Variants in LAP3 observed in about 807,000 individuals in gnomAD.
The protein encoded by LAP3 is cytosol aminopeptidase.
In LAP3, 46 loss-of-function variants were observed where a neutral mutation model predicts 58.8. That is an observed-to-expected ratio of 0.78 (90% confidence interval 0.62 to 1.00). The LOEUF (loss-of-function observed/expected upper bound fraction) is 1.00. LAP3 is among the 50% of genes least tolerant of loss of function. LAP3 has a pLI of 0.00. For missense variants in LAP3, 615 were observed against 659.1 expected (o/e 0.93, Z 0.73); for synonymous variants, 257 against 237.7 (o/e 1.08, Z -0.75).
intron 11 of LAP3, 68 bp downstream of exon 11, chr4:17,604,735 A>G: frequency 2.5e-6 from 3 of 1,218,268 alleles, no homozygotes; most frequent in Non-Finnish European, 3.6e-6. Context: ...TTAGAAGGAT[A>G]GACTTCTTCA....
chr4:17,588,236 T>C (rs994552542), intron 6 of LAP3, among the ~76,000 whole-genome samples: 1 of 152,040 alleles, frequency 6.6e-6, no homozygotes, highest in African/African-American at 2.4e-5. Flanking sequence ...AGTCTCAACT[T>C]GTTGCCTAGG....
chr4:17,583,876 T>C lies in LAP3; in HGVS notation c.539+234T>C, dbSNP rs149184554. On this transcript the variant is annotated intron_variant, in intron 5 of 12. Transcript: ENST00000226299. ...CTCCCTGACCCCTCCCTGCTCTGAT[T>C]ACAAGGAAGCCATAACCAGGTAGCT... is the stretch of plus-strand genomic sequence containing the variant. Among the ~76,000 whole-genome samples the C allele has an allele frequency of 4.6e-3, 695 of 152,322 alleles. 4 individuals carry two copies. The highest frequency in any genetic ancestry group is 0.016 in the African/African-American group (674 of 41,570).
At chr4:17,585,234 G>A in intron 6 of LAP3, 98 bp downstream of exon 6, 4 of 1,017,092 alleles carry the variant, frequency 3.9e-6, no homozygotes, top group Non-Finnish European at 5.9e-6. Flanking sequence ...GGAATAACTT[G>A]AGACCAGAGA....
chr4:17,584,132 C>T (rs1713439899), intron 5 of LAP3, among the ~76,000 whole-genome samples: 1 of 152,238 alleles, frequency 6.6e-6, no homozygotes, highest in Non-Finnish European at 1.5e-5. Flanking sequence ...AGTGGGGGCC[C>T]TGGCACTGGC....
intron 2 of LAP3, among the ~76,000 whole-genome samples, chr4:17,580,334 A>G (rs533940356): frequency 6.6e-4 from 99 of 149,024 alleles, no homozygotes; most frequent in African/African-American, 1.9e-3. Flanking sequence ...ATATTTTTCT[A>G]TGCCTTTTTG....
chr4:17,582,242 T>C (rs757971246), intron 3 of LAP3, 46 bp from the exon 4 acceptor site: 2 of 1,470,330 alleles, frequency 1.4e-6, no homozygotes, highest in East Asian at 4.5e-5. Flanking sequence ...TGGAAATGAA[T>C]GCTTGAAAGA....
At position 17,595,335 on chromosome 4, in the gene LAP3, T is replaced by C. The variant is rs1209001455; in HGVS notation, c.864-75T>C. 1.8e-5 allele frequency: 28 copies of C among 1,556,836 alleles called. No individual in the cohort carries two copies. In the Admixed American group the frequency reaches 4.3e-4, roughly 24 times the overall value. On this transcript the variant is annotated intron_variant, in intron 7 of 12. Coordinates refer to ENST00000226299, the MANE Select transcript of LAP3 (RefSeq NM_015907.3). ...TTACAGGCGTGAGCCACCGTGCCCATCTGTACTTTTTAAATAAAGTGATTT... is the reference window on the plus strand; with the variant it reads ...TTACAGGCGTGAGCCACCGTGCCCACCTGTACTTTTTAAATAAAGTGATTT...
intron 4 of LAP3, 57 bp downstream of exon 4, chr4:17,582,450 C>G: frequency 7.5e-7 from 1 of 1,334,324 alleles, no homozygotes; most frequent in South Asian, 1.3e-5. Context: ...TTGATGACCT[C>G]TCTTTCCCCT....
intron 12 of LAP3, 116 bp downstream of exon 12, chr4:17,607,054 A>C (rs889410450): frequency 9.6e-6 from 6 of 623,756 alleles, no homozygotes; most frequent in Non-Finnish European, 1.1e-5. Flanking sequence ...CTTTTGGTGT[A>C]GTGCTTGTAA....
At chr4:17,605,052 C>T (rs904318844) in intron 11 of LAP3, among the ~76,000 whole-genome samples, 1 of 151,914 alleles carries the variant, frequency 6.6e-6, no homozygotes, top group Non-Finnish European at 1.5e-5. Context: ...GTCTTCAGAC[C>T]GCTGTGCTCT....
intron 1 of LAP3, 55 bp downstream of exon 1, chr4:17,577,622 C>A: frequency 7.3e-7 from 1 of 1,377,940 alleles, no homozygotes; most frequent in Non-Finnish European, 9.9e-7. Context: ...CCGTGGGCTA[C>A]TGGGGCTGCG....
chr4:17,578,273 ATC>A (rs1713265738), intron 1 of LAP3, among the ~76,000 whole-genome samples: 4 of 152,186 alleles, frequency 2.6e-5, no homozygotes, highest in Admixed American at 2.6e-4. Context: ...TCCTGCAGGT[ATC>A]TCAGTGGTGG....
intron 1 of LAP3, among the ~76,000 whole-genome samples, chr4:17,579,323 T>C (rs533228872): frequency 3.3e-5 from 5 of 152,318 alleles, no homozygotes; most frequent in African/African-American, 1.2e-4. Context: ...CTCCTTTTCC[T>C]GGTACAGGGA....
At position 17,598,475 on chromosome 4, in the gene LAP3, A is replaced by C. The variant is rs1713887291; in HGVS notation, c.1097A>C (p.Glu366Ala). ...KTIQVDNTDA[E>A]GRLILADALC... ...CTGCAGGTTGATAACACTGATGCTG[A>C]GGGGAGGCTCATACTGGCTGATGCG... The change falls in exon 10 of 13, where the codon GAG becomes GCG. Residue 366 changes from glutamate to alanine, a missense_variant. By Grantham distance (107) the Glu-to-Ala change is moderately radical. Coordinates refer to ENST00000226299, the MANE Select transcript of LAP3 (RefSeq NM_015907.3). 1 of 1,613,928 alleles carries C rather than the reference A, an allele frequency of 6.2e-7. No homozygotes were observed. The highest frequency in any genetic ancestry group is 8.5e-7 in the Non-Finnish European group (1 of 1,179,844).
chr4:17,597,268 T>A lies in LAP3; in HGVS notation c.1077+134T>A, dbSNP rs564446967. The A allele has an allele frequency of 6.4e-5, 47 of 732,298 alleles. No homozygotes were observed. The African/African-American group carries it at 6.6e-4, about 10-fold the overall frequency. The allele number at this position is 732,298 out of a possible 1,614,324, so 45.4% of individuals were successfully genotyped here. ...GGAGGGTGCTGTCTTTAGTGCTGGGTAGCCTTTCTTTTCCTTCCCTTTCCT... is the reference window on the plus strand; with the variant it reads ...GGAGGGTGCTGTCTTTAGTGCTGGGAAGCCTTTCTTTTCCTTCCCTTTCCT... On this transcript the variant is annotated intron_variant, in intron 9 of 12. Coordinates refer to ENST00000226299, the MANE Select transcript of LAP3 (RefSeq NM_015907.3).
At chr4:17,585,706 C>T (rs1713494072) in intron 6 of LAP3, 1 of 152,392 alleles carries the variant, frequency 6.6e-6, no homozygotes, top group Non-Finnish European at 1.5e-5. Context: ...CAGCCATGAC[C>T]CCGCCATGCG....
chr4:17,606,730 G>T, intron 11 of LAP3, 99 bp from the exon 12 acceptor site: 1 of 698,694 alleles, frequency 1.4e-6, no homozygotes, highest in Non-Finnish European at 2.5e-6. Context: ...AGAGTAACAG[G>T]TTAGAACAAC....
chr4:17,601,733 C>T (rs998033303), intron 10 of LAP3, among the ~76,000 whole-genome samples: 1 of 151,976 alleles, frequency 6.6e-6, no homozygotes, highest in Non-Finnish European at 1.5e-5. Flanking sequence ...CTGCCTAATA[C>T]AATGTAAATG....
At chr4:17,581,909 T>C in intron 3 of LAP3, 95 bp downstream of exon 3, 2 of 1,007,472 alleles carry the variant, frequency 2.0e-6, no homozygotes, top group South Asian at 2.8e-5. Flanking sequence ...CATTATGTGT[T>C]GGATTGTATG....
Sources: gnomAD v4.1 joint callset for allele counts (sites outside exome capture counted in the v4.1 genomes callset) on GRCh38, gnomAD v4.1.1 for gene constraint, MANE v1.5 for transcripts, NCBI Gene and HGNC (gene_info 2026-07-23, HGNC 2026-07-21) for gene names.